GLOD4: variants seen among roughly 807,000 people sequenced by gnomAD.
GLOD4 encodes the protein glyoxalase domain containing 4, also known as glyoxalase domain-containing protein 4.
GLOD4 carries 44 observed loss-of-function variants against 39.1 expected under a neutral mutation model. That is an observed-to-expected ratio of 1.13 (90% CI 0.88 to 1.45). GLOD4 has a LOEUF of 1.45. GLOD4 is among the 40% of genes most tolerant of loss of function. The pLI, the probability that GLOD4 is intolerant of heterozygous loss-of-function variation, is 0.00. For missense variants in GLOD4, 405 were observed against 366.4 expected, an observed-to-expected ratio of 1.11 and a Z score of -0.86; for synonymous variants, 145 against 135.0, an observed-to-expected ratio of 1.07 and a Z score of -0.52.
chr17:760,324 CAATA>C, intron 8 of GLOD4, 86 bp from the exon 9 acceptor site: 4 of 684,266 alleles, frequency 5.8e-6, no homozygotes, highest in South Asian at 1.8e-5. Flanking sequence ...GTACTGACCA[CAATA>C]AAAAAAATTA....
At chr17:783,192 A>C, upstream of GLOD4, 2 of 1,614,180 alleles carry the variant, frequency 1.2e-6, no homozygotes, top group Non-Finnish European at 1.7e-6. Context: ...AGCTGTGCCA[A>C]AAATGTTCTT....
At chr17:775,000 C>T (rs1391474277) in intron 4 of GLOD4, among the ~76,000 whole-genome samples, 1 of 151,022 alleles carries the variant, frequency 6.6e-6, no homozygotes, top group African/African-American at 2.4e-5. Context: ...ACCTGGGAGG[C>T]GGAGGTTGCA....
At chr17:779,184 G>A (rs187818779) in intron 1 of GLOD4, among the ~76,000 whole-genome samples, 19 of 151,986 alleles carry the variant, frequency 1.3e-4, no homozygotes, top group African/African-American at 4.3e-4. Flanking sequence ...GCGTGGTGGC[G>A]TGTGCTTGTG....
At chr17:776,584 C>T (rs1164180034) in intron 3 of GLOD4, among the ~76,000 whole-genome samples, 1 of 152,186 alleles carries the variant, frequency 6.6e-6, no homozygotes, top group African/African-American at 2.4e-5. Flanking sequence ...ATGGCACTGC[C>T]GACCCCATCT....
chr17:769,402 C>T (rs889615513), intron 8 of GLOD4, among the ~76,000 whole-genome samples: 2 of 143,692 alleles, frequency 1.4e-5, no homozygotes, highest in African/African-American at 2.6e-5. Context: ...CTGAGGGGGT[C>T]GGATGGAGGC....
chr17:777,604 C>T (rs966039241), intron 2 of GLOD4: 2 of 152,064 alleles, frequency 1.3e-5, no homozygotes, highest in Admixed American at 6.6e-5. Flanking sequence ...ATAATGACCC[C>T]GCACTCCCAC....
chr17:765,476 C>T (rs1172162079), intron 8 of GLOD4, among the ~76,000 whole-genome samples: 1 of 150,104 alleles, frequency 6.7e-6, no homozygotes, highest in African/African-American at 2.4e-5. Context: ...TATAAAAACA[C>T]TTTGGGATGA....
upstream of GLOD4, chr17:782,954 C>T (rs1399797705): frequency 6.0e-6 from 8 of 1,338,094 alleles, no homozygotes; most frequent in Non-Finnish European, 8.1e-6. Context: ...TCCCAATGTG[C>T]TGGGATTACA....
At chr17:784,426 A>G (rs535902583), upstream of GLOD4, among the ~76,000 whole-genome samples, 4 of 152,338 alleles carry the variant, frequency 2.6e-5, no homozygotes, top group Admixed American at 2.0e-4. Context: ...CTTCAGTGAA[A>G]GTGTTATTCA....
At position 770,159 on chromosome 17, in the gene GLOD4, T is replaced by C; in HGVS notation, c.631-2A>G. Reference sequence around the variant, plus strand: ...CATCAAGTCTTCTAAGTCTGGCAACTTGAGGAAAACAGAGGCAACGTGAGC... The same window carrying C: ...CATCAAGTCTTCTAAGTCTGGCAACCTGAGGAAAACAGAGGCAACGTGAGC... On this transcript the variant is annotated splice_acceptor_variant, in intron 6 of 8. Coordinates refer to ENST00000301329, the MANE Select transcript of GLOD4 (RefSeq NM_016080.4). LOFTEE classifies it high-confidence loss of function. 1 of 1,582,396 alleles carries C rather than the reference T, an allele frequency of 6.3e-7. No individual in the cohort carries two copies.
intron 3 of GLOD4, 79 bp from the exon 4 acceptor site, chr17:775,998 T>C (rs1481357430): frequency 2.7e-6 from 3 of 1,093,672 alleles, no homozygotes; most frequent in Non-Finnish European, 4.1e-6. Context: ...CCAACCCCTA[T>C]TGCCTACTGC....
chr17:771,153 AAGG>A, intron 5 of GLOD4, 169 bp downstream of exon 5: 1 of 488,926 alleles, frequency 2.0e-6, no homozygotes. Context: ...TCTGGGTGGT[AAGG>A]TTATCACTTA....
At chr17:761,945 G>A (rs1234229727) in intron 8 of GLOD4, among the ~76,000 whole-genome samples, 2 of 152,256 alleles carry the variant, frequency 1.3e-5, no homozygotes, top group East Asian at 3.8e-4. Context: ...AGGGGACTTA[G>A]GGAGGCAGGT....
chr17:784,323 A>G (rs1279869036), upstream of GLOD4, among the ~76,000 whole-genome samples: 1 of 152,234 alleles, frequency 6.6e-6, no homozygotes, highest in Non-Finnish European at 1.5e-5. Context: ...CTTAGATCCT[A>G]GGATGGGGAC....
chr17:785,662 T>C (rs933386315), upstream of GLOD4, among the ~76,000 whole-genome samples: 1 of 152,240 alleles, frequency 6.6e-6, no homozygotes, highest in Non-Finnish European at 1.5e-5. Context: ...CCCCTTCGTT[T>C]TGCAGAGTAT....
upstream of GLOD4, among the ~76,000 whole-genome samples, chr17:785,610 G>A (rs1022825800): frequency 6.6e-6 from 1 of 152,208 alleles, no homozygotes; most frequent in Non-Finnish European, 1.5e-5. Flanking sequence ...GACCTCCAGC[G>A]TGAGGCCTTG....
chr17:772,385 T>C (rs574454599), intron 4 of GLOD4, among the ~76,000 whole-genome samples: 1 of 152,034 alleles, frequency 6.6e-6, no homozygotes, highest in Non-Finnish European at 1.5e-5. Flanking sequence ...TGATTATTTA[T>C]ACAATTTTGG....
chr17:777,108 G>A (rs1433442610), intron 2 of GLOD4, 120 bp from the exon 3 acceptor site: 2 of 909,696 alleles, frequency 2.2e-6, no homozygotes, highest in African/African-American at 1.7e-5. Flanking sequence ...GTTCTCTTAA[G>A]GATGAGATGA....
chr17:766,124 C>T (rs1453639495), intron 8 of GLOD4, among the ~76,000 whole-genome samples: 1 of 151,768 alleles, frequency 6.6e-6, no homozygotes, highest in Non-Finnish European at 1.5e-5. Flanking sequence ...ATGGTGAAAC[C>T]CCATCTCTAG....
Sources: allele counts gnomAD v4.1 joint callset (sites outside exome capture counted in the v4.1 genomes callset), GRCh38; gene constraint gnomAD v4.1.1; transcripts MANE v1.5; gene names NCBI Gene and HGNC (gene_info 2026-07-23, HGNC 2026-07-21).